The following IFT74 variants were observed in gnomAD, a reference collection of about 807,000 sequenced individuals.
IFT74 encodes intraflagellar transport 74, also known as intraflagellar transport protein 74 homolog.
Under a neutral mutation model 96.7 loss-of-function variants are expected in IFT74, and 92 were observed. The ratio of observed to expected loss-of-function variants is 0.95; its 90% confidence interval spans 0.80 to 1.13. IFT74 has a LOEUF of 1.13. Among genes scored for constraint, IFT74 ranks in the 50% most tolerant of loss-of-function variants. The pLI, the probability that IFT74 is intolerant of heterozygous loss-of-function variation, is 0.00. For synonymous variants in IFT74, 223 were observed against 213.2 expected (o/e 1.05, Z -0.40); for missense variants, 811 against 698.2 (o/e 1.16, Z -1.82).
In IFT74 at chr9:27,063,819, A is replaced by G. The variant is rs1017843103; in HGVS notation, c.*1083A>G. ...AATTATTCAAATTCAGTCTATATACATTTAAATAAAGGAGTGAGCATTGTT... is the reference window on the plus strand; with the variant it reads ...AATTATTCAAATTCAGTCTATATACGTTTAAATAAAGGAGTGAGCATTGTT... On this transcript the variant is annotated 3_prime_UTR_variant, in exon 20 of 20. Transcript: ENST00000380062. 1.3e-5 allele frequency among the ~76,000 whole-genome samples: 2 copies of G among 152,104 alleles called. No individual in the cohort carries two copies. The highest frequency in any genetic ancestry group is 2.9e-5 in the Non-Finnish European group (2 of 67,946).
At chr9:27,048,442 G>GTTAAA (rs1819788610) in intron 16 of IFT74, among the ~76,000 whole-genome samples, 168 bp downstream of exon 16, 1 of 151,994 alleles carries the variant, frequency 6.6e-6, no homozygotes, top group Non-Finnish European at 1.5e-5. Flanking sequence ...GTTGTATATT[G>GTTAAA]TCACTGATTT....
At chr9:27,012,883 A>T (rs920234621) in intron 10 of IFT74, among the ~76,000 whole-genome samples, 1 of 151,682 alleles carries the variant, frequency 6.6e-6, no homozygotes. Flanking sequence ...CACCCAGCTA[A>T]TTTTTTTGTA....
At chr9:27,024,616 A>G (rs1160964726) in intron 12 of IFT74, among the ~76,000 whole-genome samples, 1 of 152,178 alleles carries the variant, frequency 6.6e-6, no homozygotes, top group Non-Finnish European at 1.5e-5. Flanking sequence ...GTTCTGTAAC[A>G]TCCCCAGAAG....
At chr9:26,995,576 T>A (rs776196837) in intron 8 of IFT74, 2 of 1,599,558 alleles carry the variant, frequency 1.3e-6, no homozygotes, top group South Asian at 2.2e-5. Flanking sequence ...AATAAATCCA[T>A]CATCATCTAC....
intron 6 of IFT74, among the ~76,000 whole-genome samples, chr9:26,988,336 A>G (rs949048858): frequency 3.3e-5 from 5 of 152,114 alleles, no homozygotes; most frequent in Non-Finnish European, 7.4e-5. Flanking sequence ...GATCTTTCCA[A>G]AACTCTCGTC....
At chr9:27,006,632 A>G (rs1196371290) in intron 8 of IFT74, among the ~76,000 whole-genome samples, 1 of 137,884 alleles carries the variant, frequency 7.3e-6, no homozygotes, top group Non-Finnish European at 1.5e-5. Flanking sequence ...AAAGAGAGAG[A>G]GAGAGAGAAG....
chr9:27,024,604 A>C (rs1036851251), intron 12 of IFT74, among the ~76,000 whole-genome samples: 1 of 152,204 alleles, frequency 6.6e-6, no homozygotes, highest in Non-Finnish European at 1.5e-5. Context: ...TGAGAAGACA[A>C]GGTTCTGTAA....
intron 2 of IFT74, among the ~76,000 whole-genome samples, chr9:26,963,009 C>G (rs187015772): frequency 6.7e-6 from 1 of 148,832 alleles, no homozygotes; most frequent in Admixed American, 6.8e-5. Context: ...GCACATTGTG[C>G]AGGTTAGTTA....
intron 8 of IFT74, among the ~76,000 whole-genome samples, chr9:27,008,205 C>A (rs1022599639): frequency 6.6e-6 from 1 of 152,122 alleles, no homozygotes; most frequent in African/African-American, 2.4e-5. Context: ...AAAGCCATAA[C>A]TAAAAAATCA....
chr9:26,952,605 A>T (rs1177314333), upstream of IFT74, among the ~76,000 whole-genome samples: 3 of 152,214 alleles, frequency 2.0e-5, no homozygotes, highest in Non-Finnish European at 4.4e-5. Flanking sequence ...AGTAATAATA[A>T]TGCATTCCTT....
At chr9:27,029,316 T>C (rs562285828) in intron 13 of IFT74, among the ~76,000 whole-genome samples, 9 of 152,272 alleles carry the variant, frequency 5.9e-5, no homozygotes, top group African/African-American at 1.9e-4. Flanking sequence ...TTGCATAAAA[T>C]TTATTTAGCT....
chr9:26,993,633 T>C (rs1459717370), intron 8 of IFT74: 1 of 152,358 alleles, frequency 6.6e-6, no homozygotes, highest in African/African-American at 2.4e-5. Flanking sequence ...TTCTAAGGAA[T>C]TGTCAAGTAC....
At chr9:27,008,940 T>G (rs1828918682) in intron 8 of IFT74, 80 bp from the exon 9 acceptor site, 4 of 1,113,838 alleles carry the variant, frequency 3.6e-6, no homozygotes, top group Non-Finnish European at 5.1e-6. Flanking sequence ...CCTATTAAAT[T>G]AGGACCATGA....
intron 4 of IFT74, chr9:26,983,891 CT>C (rs1159098366): frequency 1.3e-5 from 2 of 156,508 alleles, no homozygotes; most frequent in African/African-American, 5.0e-5. Flanking sequence ...TTAAGCTATT[CT>C]CCTGCCTCAG....
upstream of IFT74, among the ~76,000 whole-genome samples, chr9:26,952,371 G>A (rs1205387281): frequency 6.6e-6 from 1 of 151,600 alleles, no homozygotes; most frequent in Non-Finnish European, 1.5e-5. Context: ...CTGCCTCTAG[G>A]GTTCAAGCAA....
rs1564014683 is a variant in IFT74, at chr9:27,065,161, C to T, written c.*2425C>T. ...GACAAAAAGCAAGGCTTTCAATTTC[C>T]ATCCTAATTTATTCATATGTAATAT... is the stretch of plus-strand genomic sequence containing the variant. On this transcript the variant is annotated 3_prime_UTR_variant, in exon 20 of 20. Transcript: ENST00000380062. 6.6e-6 allele frequency among the ~76,000 whole-genome samples: 1 copy of T among 152,096 alleles called. No homozygotes were observed. The highest frequency in any genetic ancestry group is 1.5e-5 in the Non-Finnish European group (1 of 67,990).
chr9:26,956,258 A>G (rs917652564), upstream of IFT74: 23 of 152,250 alleles, frequency 1.5e-4, no homozygotes, highest in African/African-American at 5.5e-4. Context: ...CACTTTTTCC[A>G]AAAAGCACTG....
chr9:27,017,216 T>G (rs1299256051), intron 11 of IFT74, among the ~76,000 whole-genome samples, 166 bp downstream of exon 11: 2 of 151,700 alleles, frequency 1.3e-5, no homozygotes, highest in African/African-American at 4.8e-5. Context: ...CTTCCTCTTT[T>G]ATTATTATTA....
At chr9:27,029,465 C>T (rs928294811) in intron 13 of IFT74, among the ~76,000 whole-genome samples, 3 of 152,048 alleles carry the variant, frequency 2.0e-5, no homozygotes, top group East Asian at 1.9e-4. Context: ...ACAATATAGT[C>T]GGCCGGGTGT....
Sources: gnomAD v4.1 joint callset for allele counts (sites outside exome capture counted in the v4.1 genomes callset) on GRCh38, gnomAD v4.1.1 for gene constraint, MANE v1.5 for transcripts, NCBI Gene and HGNC (gene_info 2026-07-23, HGNC 2026-07-21) for gene names.